The following MED12L variants were observed in gnomAD, a reference collection of about 807,000 sequenced individuals.
MED12L encodes mediator of RNA polymerase II transcription subunit 12-like protein.
In MED12L, 60 loss-of-function variants were observed where a neutral mutation model predicts 281.3. The ratio of observed to expected loss-of-function variants is 0.21; its 90% confidence interval spans 0.17 to 0.26. The LOEUF (loss-of-function observed/expected upper bound fraction) is 0.26, where lower values mean the gene tolerates loss of function less well. Ranked by LOEUF, MED12L falls within the 10% of genes least tolerant of loss-of-function variation. The probability of loss-of-function intolerance (pLI) is 1.00; values close to 1 mark genes in which losing one functional copy is unlikely to be tolerated. For synonymous variants in MED12L, 974 were observed against 987.2 expected (o/e 0.99, Z 0.25); for missense variants, 2,146 against 2,680.9 (o/e 0.80, Z 4.41).
At chr3:151,206,690 G>C (rs1726425622) in intron 16 of MED12L, among the ~76,000 whole-genome samples, 2 of 106,922 alleles carry the variant, frequency 1.9e-5, no homozygotes, top group African/African-American at 7.5e-5. Flanking sequence ...TGTCACCCAG[G>C]CTGGAGTGCA....
intron 16 of MED12L, chr3:151,198,705 C>T (rs1725051873): frequency 1.2e-6 from 2 of 1,613,856 alleles, no homozygotes; most frequent in Non-Finnish European, 1.7e-6. Flanking sequence ...CCCGTGGTCA[C>T]TAAAAGTATG....
At position 151,201,223 on chromosome 3, in the gene MED12L, ACTCT is replaced by A. The variant is rs58729370; in HGVS notation, c.2250+7577_2250+7580del. The stretch of plus-strand genomic sequence containing the variant: ...TCTATGCATACAACCACGTGCACAC[ACTCT>A]CTCTCTCTCTCTCTCTCTCACACGC... On this transcript the variant is annotated intron_variant, in intron 16 of 44. Transcript: ENST00000687756. Among the ~76,000 whole-genome samples the A allele has an allele frequency of 3.6e-3, 525 of 147,824 alleles. 6 individuals are homozygous for A. Among genetic ancestry groups the A allele is most frequent in the East Asian group, 0.01 (52 of 5,048 alleles).
intron 40 of MED12L, among the ~76,000 whole-genome samples, chr3:151,410,585 T>C (rs1191402534): frequency 6.6e-6 from 1 of 152,230 alleles, no homozygotes; most frequent in Non-Finnish European, 1.5e-5. Context: ...AGGTTTCTCT[T>C]TTCCATAAGG....
At position 151,373,560 on chromosome 3, in the gene MED12L, GT is replaced by G. The variant is rs200969717; in HGVS notation, c.3864+805del. ...TTACTATGATGGTTGCAAAATGGTG[GT>G]TTTTTTTTTTCCCCAACTTCTCCTC... is the stretch of plus-strand genomic sequence containing the variant. On this transcript the variant is annotated intron_variant, in intron 27 of 44. Coordinates refer to ENST00000687756, the MANE Select transcript of MED12L (RefSeq NM_001393769.1). 1.4e-3 allele frequency among the ~76,000 whole-genome samples: 200 copies of G among 145,844 alleles called. 2 individuals are homozygous for G. The East Asian group carries it at 0.019, about 14-fold the overall frequency.
At chr3:151,146,868 T>G (rs1244549168) in intron 5 of MED12L, among the ~76,000 whole-genome samples, 4 of 152,114 alleles carry the variant, frequency 2.6e-5, no homozygotes, top group African/African-American at 9.7e-5. Context: ...TTTAACTATC[T>G]GATCATTCAG....
chr3:151,149,650 A>G (rs988780795), intron 5 of MED12L, among the ~76,000 whole-genome samples: 1 of 152,200 alleles, frequency 6.6e-6, no homozygotes, highest in Non-Finnish European at 1.5e-5. Flanking sequence ...TTGACTCTTC[A>G]TTTTATGAAA....
In MED12L at chr3:151,300,097, C is replaced by T. The variant is rs1745696596; in HGVS notation, c.2251-49962C>T. ...AATTTTGCAAGCGTCAAGTTGAACCCCATTCTTCAGTTGTGATGCACTGTA... is the reference window on the plus strand; with the variant it reads ...AATTTTGCAAGCGTCAAGTTGAACCTCATTCTTCAGTTGTGATGCACTGTA... On this transcript the variant is annotated intron_variant, in intron 16 of 44. Transcript: ENST00000687756. 6.2e-7 allele frequency: 1 copy of T among 1,607,306 alleles called. No individual in the cohort carries two copies. Among genetic ancestry groups the T allele is most frequent in the Admixed American group, 1.7e-5 (1 of 60,004 alleles).
intron 40 of MED12L, among the ~76,000 whole-genome samples, chr3:151,410,357 C>T (rs150692955): frequency 6.6e-6 from 1 of 152,318 alleles, no homozygotes; most frequent in East Asian, 1.9e-4. Flanking sequence ...ATGTCCACAG[C>T]TGAAAGAAAA....
chr3:151,178,037 A>G (rs191861721), intron 11 of MED12L, among the ~76,000 whole-genome samples: 3 of 151,580 alleles, frequency 2.0e-5, no homozygotes, highest in Non-Finnish European at 2.9e-5. Context: ...ACATTGTTCA[A>G]CTTCTTACTA....
chr3:151,409,130 A>C, intron 39 of MED12L, 113 bp from the exon 40 acceptor site: 1 of 731,394 alleles, frequency 1.4e-6, no homozygotes. Flanking sequence ...AAAATCTTTG[A>C]GTTCTTTATC....
At chr3:151,187,302 T>C (rs1478793318) in intron 12 of MED12L, among the ~76,000 whole-genome samples, 3 of 152,206 alleles carry the variant, frequency 2.0e-5, no homozygotes, top group East Asian at 1.9e-4. Context: ...ATATGTGTTT[T>C]TTTACACTGC....
At chr3:151,198,710 A>G (rs1253215149) in intron 16 of MED12L, 4 of 1,613,918 alleles carry the variant, frequency 2.5e-6, no homozygotes, top group Non-Finnish European at 3.4e-6. Flanking sequence ...GGTCACTAAA[A>G]GTATGTTGAT....
At chr3:151,420,031 C>A (rs3975409) in intron 43 of MED12L, among the ~76,000 whole-genome samples, 129,271 of 152,074 alleles carry the variant, frequency 0.85, 55,183 homozygotes, top group Middle Eastern at 0.97. Flanking sequence ...ACCTTCAGCA[C>A]GCACCTCAGC....
intron 2 of MED12L, among the ~76,000 whole-genome samples, chr3:151,093,176 C>T (rs1302359903): frequency 6.6e-6 from 1 of 152,168 alleles, no homozygotes; most frequent in African/African-American, 2.4e-5. Context: ...TGGTGGTGCA[C>T]ACCTGCGGTC....
At chr3:151,101,385 G>A (rs965219073) in intron 2 of MED12L, among the ~76,000 whole-genome samples, 15 of 152,180 alleles carry the variant, frequency 9.9e-5, no homozygotes, top group Non-Finnish European at 1.5e-5. Flanking sequence ...TAGAAATGAA[G>A]AAACTGAGGC....
intron 16 of MED12L, among the ~76,000 whole-genome samples, chr3:151,285,530 G>A (rs1276143019): frequency 2.0e-5 from 3 of 151,850 alleles, no homozygotes; most frequent in Non-Finnish European, 2.9e-5. Flanking sequence ...TTGGGCACTC[G>A]GGAAAGGATG....
At chr3:151,257,419 C>T (rs866755747) in intron 16 of MED12L, among the ~76,000 whole-genome samples, 2 of 152,194 alleles carry the variant, frequency 1.3e-5, no homozygotes, top group Admixed American at 6.5e-5. Context: ...AATAGATTGC[C>T]TTAGTTAGAA....
intron 12 of MED12L, 194 bp from the exon 13 acceptor site, chr3:151,188,160 T>G: frequency 2.6e-6 from 1 of 378,506 alleles, no homozygotes; most frequent in Non-Finnish European, 4.7e-6. Context: ...CTAAGCAGGG[T>G]CGGGCCTGGT....
chr3:151,311,467 T>C (rs553167750), intron 16 of MED12L, among the ~76,000 whole-genome samples: 6 of 152,302 alleles, frequency 3.9e-5, no homozygotes, highest in East Asian at 3.9e-4. Flanking sequence ...TGCTGACACA[T>C]TGATGTAGTA....
Sources: gnomAD v4.1 joint callset for allele counts (sites outside exome capture counted in the v4.1 genomes callset) on GRCh38, gnomAD v4.1.1 for gene constraint, MANE v1.5 for transcripts, NCBI Gene and HGNC (gene_info 2026-07-23, HGNC 2026-07-21) for gene names.